Variants in PTPRR observed in about 807,000 individuals in gnomAD.
The protein encoded by PTPRR is protein tyrosine phosphatase receptor type R, also known as receptor-type tyrosine-protein phosphatase R.
Under a neutral mutation model 77.2 loss-of-function variants are expected in PTPRR, and 38 were observed. That is an observed-to-expected ratio of 0.49 (90% CI 0.38 to 0.65). The LOEUF (loss-of-function observed/expected upper bound fraction) is 0.65, where lower values mean the gene tolerates loss of function less well. PTPRR is among the 30% of genes least tolerant of loss of function. PTPRR has a pLI of 0.00. For missense variants in PTPRR, 744 were observed against 799.2 expected (o/e 0.93, Z 0.83); for synonymous variants, 299 against 283.1 (o/e 1.06, Z -0.57).
intron 2 of PTPRR, among the ~76,000 whole-genome samples, chr12:70,792,631 C>A (rs1412542572): frequency 6.6e-6 from 1 of 151,968 alleles, no homozygotes; most frequent in Non-Finnish European, 1.5e-5. Context: ...TTTTCAAATT[C>A]TCATATAGGG....
intron 8 of PTPRR, among the ~76,000 whole-genome samples, chr12:70,685,662 GAAACA>G (rs147345897): frequency 0.021 from 3,146 of 151,556 alleles, 116 homozygotes; most frequent in African/African-American, 0.072. Flanking sequence ...AAACAAAAAC[GAAACA>G]AAACAAAACA....
intron 2 of PTPRR, among the ~76,000 whole-genome samples, chr12:70,781,896 T>A (rs1891210456): frequency 6.6e-6 from 1 of 152,162 alleles, no homozygotes; most frequent in Non-Finnish European, 1.5e-5. Context: ...TTTTAACACA[T>A]GAAATAACAA....
At chr12:70,884,470 A>ACTTT (rs1491135933) in intron 2 of PTPRR, among the ~76,000 whole-genome samples, 1 of 152,226 alleles carries the variant, frequency 6.6e-6, no homozygotes, top group Non-Finnish European at 1.5e-5. Context: ...AGGCAATTTT[A>ACTTT]GAGAGAACTG....
intron 10 of PTPRR, chr12:70,672,286 T>A: frequency 6.3e-7 from 1 of 1,592,996 alleles, no homozygotes; most frequent in Non-Finnish European, 8.6e-7. Context: ...AAGAACAGAA[T>A]GTGCCCGTGC....
At chr12:70,651,881 C>T (rs150019737) in intron 13 of PTPRR, among the ~76,000 whole-genome samples, 2 of 148,022 alleles carry the variant, frequency 1.4e-5, no homozygotes, top group African/African-American at 5.1e-5. Flanking sequence ...CTCGCTATCT[C>T]GAATTCTTTG....
intron 2 of PTPRR, among the ~76,000 whole-genome samples, chr12:70,855,626 T>TA (rs1565719510): frequency 6.6e-6 from 1 of 152,200 alleles, no homozygotes; most frequent in Non-Finnish European, 1.5e-5. Context: ...GCAAGCTTCC[T>TA]AGCTTCTTAG....
At chr12:70,782,783 A>T (rs1181825289) in intron 2 of PTPRR, among the ~76,000 whole-genome samples, 1 of 152,156 alleles carries the variant, frequency 6.6e-6, no homozygotes, top group African/African-American at 2.4e-5. Context: ...ACATGTATAC[A>T]TATGTAACAA....
chr12:70,828,010 A>G (rs927442180), intron 2 of PTPRR, among the ~76,000 whole-genome samples: 1 of 151,996 alleles, frequency 6.6e-6, no homozygotes, highest in African/African-American at 2.4e-5. Flanking sequence ...GTGAGCCACC[A>G]TGCCTGGCCC....
chr12:70,726,583 T>A (rs767018485), intron 6 of PTPRR, among the ~76,000 whole-genome samples: 1 of 12,576 alleles, frequency 8.0e-5, no homozygotes, highest in Non-Finnish European at 2.3e-4. Context: ...TGCATTTAAT[T>A]TTTTTTTTTT....
At chr12:70,754,613 T>C (rs1271391131) in intron 4 of PTPRR, 1 of 1,597,868 alleles carries the variant, frequency 6.3e-7, no homozygotes, top group African/African-American at 1.3e-5. Context: ...AGTTCTGTTC[T>C]TTTCTGTGTG....
At chr12:70,876,237 CAT>C (rs1043549984) in intron 2 of PTPRR, among the ~76,000 whole-genome samples, 5 of 151,886 alleles carry the variant, frequency 3.3e-5, no homozygotes, top group East Asian at 1.9e-4. Context: ...TAAAAGGAAA[CAT>C]GTAGTATATA....
chr12:70,782,459 A>G (rs1322628528), intron 2 of PTPRR, among the ~76,000 whole-genome samples: 1 of 152,168 alleles, frequency 6.6e-6, no homozygotes, highest in East Asian at 1.9e-4. Context: ...TCAATGATAG[A>G]CTGGATTAAG....
chr12:70,838,387 G>T (rs1446537784), intron 2 of PTPRR, among the ~76,000 whole-genome samples: 1 of 152,094 alleles, frequency 6.6e-6, no homozygotes, highest in Non-Finnish European at 1.5e-5. Context: ...CTACTCTAAA[G>T]GTCAATAACA....
intron 1 of PTPRR, among the ~76,000 whole-genome samples, chr12:70,919,673 GTTTTTTTTTTTTTT>G (rs58439089): frequency 0.022 from 2,372 of 110,090 alleles, 81 homozygotes; most frequent in African/African-American, 0.066. Context: ...AACTGTAATT[GTTTTTTTTTTTTTT>G]TTTTTTTTTT....
At chr12:70,881,866 T>C (rs1159360344) in intron 2 of PTPRR, among the ~76,000 whole-genome samples, 1 of 152,226 alleles carries the variant, frequency 6.6e-6, no homozygotes, top group Non-Finnish European at 1.5e-5. Flanking sequence ...GCAAATATAT[T>C]TGAAATAGTT....
At chr12:70,699,853 C>T (rs1175010992) in intron 7 of PTPRR, among the ~76,000 whole-genome samples, 1 of 152,216 alleles carries the variant, frequency 6.6e-6, no homozygotes, top group African/African-American at 2.4e-5. Context: ...CTTCTTCCTT[C>T]TCACCTTCTG....
intron 4 of PTPRR, among the ~76,000 whole-genome samples, chr12:70,760,166 C>T (rs1890660222): frequency 1.3e-5 from 2 of 152,166 alleles, no homozygotes; most frequent in South Asian, 4.1e-4. Flanking sequence ...TCTGCATATA[C>T]TTTAAAAATT....
At chr12:70,761,767 T>A (rs1220115224) in intron 3 of PTPRR, 141 bp from the exon 4 acceptor site, 2 of 614,624 alleles carry the variant, frequency 3.3e-6, no homozygotes, top group Non-Finnish European at 4.9e-6. Flanking sequence ...ATTTATTAGT[T>A]ATTCTCTGAT....
chr12:70,908,497 A>T (rs1034708655), intron 1 of PTPRR, among the ~76,000 whole-genome samples: 2 of 152,164 alleles, frequency 1.3e-5, no homozygotes, highest in Non-Finnish European at 2.9e-5. Context: ...GAAGGGGGGA[A>T]GTCCCTTATA....
Sources: allele counts gnomAD v4.1 joint callset (sites outside exome capture counted in the v4.1 genomes callset), GRCh38; gene constraint gnomAD v4.1.1; transcripts MANE v1.5; gene names NCBI Gene and HGNC (gene_info 2026-07-23, HGNC 2026-07-21).